Variants in CNTN5 observed in about 807,000 individuals in gnomAD.
CNTN5 encodes contactin-5.
A neutral mutation model predicts 129.1 loss-of-function variants in CNTN5; 77 were observed. The observed-to-expected ratio is 0.60, with a 90% CI of 0.50 to 0.72. The LOEUF (loss-of-function observed/expected upper bound fraction) is 0.72. CNTN5 is among the 30% of genes least tolerant of loss of function. The probability of loss-of-function intolerance (pLI) is 0.00; values close to 1 mark genes in which losing one functional copy is unlikely to be tolerated. For missense variants in CNTN5, 1,478 were observed against 1,328.8 expected (o/e 1.11, Z -1.75); for synonymous variants, 509 against 465.6 (o/e 1.09, Z -1.20).
intron 9 of CNTN5, among the ~76,000 whole-genome samples, chr11:100,024,414 A>T (rs1197842056): frequency 1.3e-5 from 2 of 152,180 alleles, no homozygotes; most frequent in African/African-American, 4.8e-5. Flanking sequence ...GAGAACTAAT[A>T]CAACAAATTG....
rs181618103 is a variant in CNTN5 at position 99,790,463 on chromosome 11, G to A, written c.56-29081G>A. Among the ~76,000 whole-genome samples, 13 of 152,118 alleles carry A rather than the reference G, an allele frequency of 8.5e-5. 1 individual carries two copies. The highest frequency in any genetic ancestry group is 6.6e-4 in the Admixed American group (10 of 15,266). On this transcript the variant is annotated intron_variant, in intron 3 of 24. Transcript: ENST00000524871. ...CAGCATTAGTTGGCTTAGGATAATG[G>A]CCTCCAGCTCCATCCACATTGCTAC...
intron 3 of CNTN5, among the ~76,000 whole-genome samples, chr11:99,803,099 C>A (rs1420516612): frequency 6.6e-6 from 1 of 152,092 alleles, no homozygotes; most frequent in Non-Finnish European, 1.5e-5. Context: ...AATAGTGCCC[C>A]CCTGCACCAT....
intron 1 of CNTN5, among the ~76,000 whole-genome samples, chr11:99,290,495 C>G (rs374799454): frequency 3.3e-5 from 5 of 151,872 alleles, no homozygotes; most frequent in Non-Finnish European, 7.4e-5. Context: ...GAGTTCTCTG[C>G]AGGTAACATA....
intron 2 of CNTN5, among the ~76,000 whole-genome samples, chr11:99,445,358 C>G (rs1453377522): frequency 6.6e-6 from 1 of 151,966 alleles, no homozygotes; most frequent in Admixed American, 6.6e-5. Flanking sequence ...TCACTAGAAA[C>G]TTTTCAGAGC....
chr11:99,389,005 AT>A (rs1351418572), intron 2 of CNTN5, among the ~76,000 whole-genome samples: 1 of 146,928 alleles, frequency 6.8e-6, no homozygotes, highest in East Asian at 2.0e-4. Flanking sequence ...ATTTTATTTT[AT>A]TTTATTTTAT....
intron 16 of CNTN5, among the ~76,000 whole-genome samples, chr11:100,247,017 G>A (rs1949854357): frequency 6.6e-6 from 1 of 152,096 alleles, no homozygotes; most frequent in South Asian, 2.1e-4. Context: ...CAAATAAATA[G>A]AAAGTTTTCA....
chr11:99,667,085 G>A (rs2135934844), intron 3 of CNTN5, among the ~76,000 whole-genome samples: 1 of 151,978 alleles, frequency 6.6e-6, no homozygotes, highest in African/African-American at 2.4e-5. Context: ...TAGAGTAGTA[G>A]AAAAAGCCAA....
chr11:99,915,341 C>G (rs1016750091), intron 6 of CNTN5, among the ~76,000 whole-genome samples: 1 of 152,016 alleles, frequency 6.6e-6, no homozygotes, highest in Non-Finnish European at 1.5e-5. Flanking sequence ...TTAGGAAAAT[C>G]TTTTCAAATT....
chr11:99,412,580 G>A (rs1942447753), intron 2 of CNTN5, among the ~76,000 whole-genome samples: 1 of 152,088 alleles, frequency 6.6e-6, no homozygotes, highest in Non-Finnish European at 1.5e-5. Flanking sequence ...AATAATTGTT[G>A]ATATTTATTA....
intron 3 of CNTN5, among the ~76,000 whole-genome samples, chr11:99,659,720 G>C (rs1952526448): frequency 6.6e-6 from 1 of 152,106 alleles, no homozygotes; most frequent in African/African-American, 2.4e-5. Flanking sequence ...GACTGGAGGA[G>C]ACCCACCCAA....
intron 13 of CNTN5, among the ~76,000 whole-genome samples, chr11:100,086,182 T>C (rs1203481634): frequency 6.6e-6 from 1 of 151,640 alleles, no homozygotes; most frequent in Non-Finnish European, 1.5e-5. Context: ...TCACATCTTT[T>C]TGAATTAATA....
chr11:99,058,690 T>A (rs898053289), intron 1 of CNTN5, among the ~76,000 whole-genome samples: 3 of 151,796 alleles, frequency 2.0e-5, no homozygotes, highest in African/African-American at 7.3e-5. Flanking sequence ...TATGCTTGCT[T>A]CTCCAATTTG....
In CNTN5 at chr11:100,255,997, T is replaced by C. The variant is rs183862023; in HGVS notation, c.2164+79T>C. The C allele has an allele frequency of 4.7e-6, 6 of 1,283,500 alleles. No homozygotes were observed. The East Asian group carries it at 1.2e-4, about 25-fold the overall frequency. The allele number at this position is 1,283,500 out of a possible 1,614,324, so 79.5% of individuals were successfully genotyped here. On this transcript the variant is annotated intron_variant, in intron 17 of 24. Coordinates refer to ENST00000524871, the MANE Select transcript of CNTN5 (RefSeq NM_014361.4). ...AAGCTATATTTGGCTAAGGTCTTAC[T>C]ATGATTTTTTTGGATTCTGAAATCT...
intron 8 of CNTN5, among the ~76,000 whole-genome samples, chr11:99,971,757 A>T (rs1951262259): frequency 6.6e-6 from 1 of 151,912 alleles, no homozygotes; most frequent in Non-Finnish European, 1.5e-5. Context: ...GTTATGGCTA[A>T]AGTTTATAAC....
chr11:99,411,889 C>G lies in CNTN5; in HGVS notation c.-71+86405C>G, dbSNP rs186640089. 3.4e-3 allele frequency among the ~76,000 whole-genome samples: 518 copies of G among 152,224 alleles called. 3 individuals are homozygous for G. The highest frequency in any genetic ancestry group is 0.011 in the African/African-American group (476 of 41,554). On this transcript the variant is annotated intron_variant, in intron 2 of 24. Coordinates refer to ENST00000524871, the MANE Select transcript of CNTN5 (RefSeq NM_014361.4). ...AACCTGTAGACTCCACATAGACTAA[C>G]GGAATAAATAACACATGCAATCCTA...
At chr11:99,495,012 A>T (rs553284611) in intron 2 of CNTN5, among the ~76,000 whole-genome samples, 2 of 152,324 alleles carry the variant, frequency 1.3e-5, no homozygotes, top group Admixed American at 1.3e-4. Context: ...AAACACTAAA[A>T]AGTGTTGATA....
At chr11:99,385,419 AT>A (rs1940867721) in intron 2 of CNTN5, among the ~76,000 whole-genome samples, 1 of 152,100 alleles carries the variant, frequency 6.6e-6, no homozygotes, top group South Asian at 2.1e-4. Context: ...TGGATTAGTG[AT>A]TTGGACTTGA....
intron 13 of CNTN5, among the ~76,000 whole-genome samples, chr11:100,088,742 TAAA>T (rs888426717): frequency 4.0e-5 from 6 of 151,880 alleles, no homozygotes; most frequent in Admixed American, 3.9e-4. Flanking sequence ...CAATCAGTAA[TAAA>T]AACCTACCAA....
intron 2 of CNTN5, among the ~76,000 whole-genome samples, chr11:99,450,620 C>T (rs1944262385): frequency 6.6e-6 from 1 of 152,136 alleles, no homozygotes; most frequent in South Asian, 2.1e-4. Context: ...AATTCAAACC[C>T]TGCCTAACTA....
Sources: allele counts gnomAD v4.1 joint callset (sites outside exome capture counted in the v4.1 genomes callset), GRCh38; gene constraint gnomAD v4.1.1; transcripts MANE v1.5; gene names NCBI Gene and HGNC (gene_info 2026-07-23, HGNC 2026-07-21).